Variants in FGFR2 observed in about 807,000 individuals in gnomAD.
The protein encoded by FGFR2 is BEK fibroblast growth factor receptor.
A neutral mutation model predicts 95.9 loss-of-function variants in FGFR2; 19 were observed. The ratio of observed to expected loss-of-function variants is 0.20; its 90% CI spans 0.14 to 0.29. FGFR2 has a LOEUF of 0.29. Ranked by LOEUF, FGFR2 falls within the 10% of genes least tolerant of loss-of-function variation. The pLI is 1.00. For missense variants in FGFR2, 707 were observed against 1,056.9 expected (o/e 0.67, Z 4.59); for synonymous variants, 392 against 393.3 (o/e 1.00, Z 0.04).
intron 2 of FGFR2, among the ~76,000 whole-genome samples, chr10:121,583,092 T>A (rs1225156013): frequency 6.6e-6 from 1 of 152,222 alleles, no homozygotes. Flanking sequence ...TTTCTGCTTT[T>A]GGCCTTTTCA....
chr10:121,535,864 A>G (rs1173878098), intron 6 of FGFR2, among the ~76,000 whole-genome samples: 1 of 152,242 alleles, frequency 6.6e-6, no homozygotes, highest in African/African-American at 2.4e-5. Flanking sequence ...CTTTTACATT[A>G]AAGTGCTTAT....
At chr10:121,509,421 GTT>G (rs199565234) in intron 9 of FGFR2, among the ~76,000 whole-genome samples, 40,936 of 126,834 alleles carry the variant, frequency 0.32, 6,177 homozygotes, top group African/African-American at 0.39. Context: ...GTGAGGAAGT[GTT>G]TTTTTTTTTT....
chr10:121,581,635 G>A (rs978722036), intron 2 of FGFR2, among the ~76,000 whole-genome samples: 43 of 150,934 alleles, frequency 2.8e-4, no homozygotes, highest in Admixed American at 2.8e-3. Context: ...GCCTATAGTC[G>A]CAGCTACTCA....
chr10:121,579,284 A>C (rs957774029), intron 2 of FGFR2, among the ~76,000 whole-genome samples: 5 of 152,112 alleles, frequency 3.3e-5, no homozygotes, highest in African/African-American at 1.2e-4. Flanking sequence ...GGTTGGAGGT[A>C]GTGGGGGGTC....
In FGFR2 at chr10:121,556,102, TTGGA is replaced by T. The variant is rs58257467; in HGVS notation, c.455-4647_455-4644del. Reference sequence around the variant, plus strand: ...CTATGGAGTAGGCACTCAAGCGTTATTGGATGGATGGATGGATGGATGGATGGAC... The same window carrying T: ...CTATGGAGTAGGCACTCAAGCGTTATTGGATGGATGGATGGATGGATGGAC... On this transcript the variant is annotated intron_variant, in intron 4 of 17. Transcript: ENST00000358487. Among the ~76,000 whole-genome samples the T allele has an allele frequency of 6.8e-3, 1,031 of 152,018 alleles. 10 individuals carry two copies. Among genetic ancestry groups the T allele is most frequent in the African/African-American group, 0.023 (939 of 41,454 alleles).
Position 121,496,627 on chromosome 10 carries a change from T to C in FGFR2, c.1768A>G (p.Ile590Val). The C allele has an allele frequency of 1.9e-6, 3 of 1,613,166 alleles. No homozygotes were observed. Among genetic ancestry groups the C allele is most frequent in the Non-Finnish European group, 2.5e-6 (3 of 1,179,930 alleles). Reference protein sequence around the residue: ...RPPGMEYSYDINRVPEEQMTF... With the variant: ...RPPGMEYSYDVNRVPEEQMTF... Reference sequence around the variant, plus strand: ...ATCTGCTCCTCAGGAACACGGTTAATGTCATAGGAGTACTCCATCCCGGGT... The same window carrying C: ...ATCTGCTCCTCAGGAACACGGTTAACGTCATAGGAGTACTCCATCCCGGGT... The change falls in exon 13 of 18, where the codon ATT becomes GTT. Residue 590 changes from isoleucine to valine, a missense_variant. Physicochemically the swap from Ile to Val is conservative, Grantham distance 29. Transcript: ENST00000358487.
chr10:121,568,052 G>A (rs1857967708), intron 2 of FGFR2, among the ~76,000 whole-genome samples: 1 of 152,196 alleles, frequency 6.6e-6, no homozygotes, highest in East Asian at 1.9e-4. Context: ...AAATGCGGCT[G>A]AATTGAGTGA....
chr10:121,564,497 C>T lies in FGFR2; in HGVS notation c.454+5G>A. The T allele has an allele frequency of 1.2e-6, 2 of 1,613,668 alleles. No homozygotes were observed. Among genetic ancestry groups the T allele is most frequent in the Non-Finnish European group, 1.7e-6 (2 of 1,179,726 alleles). On this transcript the variant is annotated splice_donor_5th_base_variant and intron_variant, in intron 4 of 17. Coordinates refer to ENST00000358487, the MANE Select transcript of FGFR2 (RefSeq NM_000141.5). The stretch of plus-strand genomic sequence containing the variant: ...GGGGACCATCGGAGCCGGGCAGTTA[C>T]TTACTCTTGTTGTTACTGTTCTCAC...
At chr10:121,520,206 G>A (rs2134321629) in intron 6 of FGFR2, 37 bp from the exon 7 acceptor site, 1 of 1,587,170 alleles carries the variant, frequency 6.3e-7, no homozygotes, top group Non-Finnish European at 8.6e-7. Flanking sequence ...AGTGGGGATG[G>A]GAGAATGAGA....
intron 17 of FGFR2, among the ~76,000 whole-genome samples, chr10:121,483,211 A>G (rs1649201): frequency 0.043 from 6,528 of 152,334 alleles, 214 homozygotes; most frequent in African/African-American, 0.09. Flanking sequence ...CAAGGCATAT[A>G]GCATTACCAA....
intron 16 of FGFR2, 71 bp from the exon 17 acceptor site, chr10:121,483,874 G>T: frequency 9.2e-7 from 1 of 1,089,526 alleles, no homozygotes; most frequent in Non-Finnish European, 1.4e-6. Context: ...GTTTTAATAG[G>T]CAATATGGGG....
At chr10:121,512,269 A>G (rs532625318) in intron 9 of FGFR2, among the ~76,000 whole-genome samples, 40 of 152,288 alleles carry the variant, frequency 2.6e-4, no homozygotes, top group African/African-American at 9.6e-4. Context: ...CTCCAGTCCA[A>G]TAACCCTCTT....
rs559452126 is a variant in FGFR2, at chr10:121,581,758, A to AT, written c.109+11950dup. ...CACAGTGAACAGAGAGAGACCCTGCATTTAAAAAAAAAAAAAAAAAAAAAA... is the reference window on the plus strand; with the variant it reads ...CACAGTGAACAGAGAGAGACCCTGCATTTTAAAAAAAAAAAAAAAAAAAAAA... On this transcript the variant is annotated intron_variant, in intron 2 of 17. Coordinates refer to ENST00000358487, the MANE Select transcript of FGFR2 (RefSeq NM_000141.5). 2.5e-3 allele frequency among the ~76,000 whole-genome samples: 222 copies of AT among 88,442 alleles called. 14 individuals carry two copies. The highest frequency in any genetic ancestry group is 3.1e-3 in the Non-Finnish European group (142 of 45,504). The allele number at this position is 88,442 out of a possible 152,430, so 58.0% of individuals were successfully genotyped here. A position where few individuals can be genotyped will look rare whatever the true frequency, so the allele number is the denominator to read the frequency against.
In FGFR2 at chr10:121,534,869, C is replaced by T. The variant is rs537194367; in HGVS notation, c.748+3723G>A. Among the ~76,000 whole-genome samples, 3 of 152,122 alleles carry T rather than the reference C, an allele frequency of 2.0e-5. No homozygotes were observed. In the East Asian group the frequency reaches 5.8e-4, roughly 29 times the overall value. ...TCATCTGCTAACCCAACTGATGCCT[C>T]GTAACTAATGTAGTGAGCTGAAGGG... On this transcript the variant is annotated intron_variant, in intron 6 of 17. Transcript: ENST00000358487.
At chr10:121,499,434 T>C (rs565894947) in intron 11 of FGFR2, among the ~76,000 whole-genome samples, 68 of 152,168 alleles carry the variant, frequency 4.5e-4, no homozygotes, top group Non-Finnish European at 4.0e-4. Context: ...TGACTGTGTG[T>C]GCAAAATTTA....
intron 4 of FGFR2, among the ~76,000 whole-genome samples, chr10:121,557,041 T>C (rs1054245725): frequency 7.9e-5 from 12 of 152,206 alleles, no homozygotes; most frequent in African/African-American, 2.9e-4. Flanking sequence ...GTCTGTGGCT[T>C]TGAGAAATCT....
rs148215004 is a variant in FGFR2 at position 121,582,457 on chromosome 10, G to A, written c.109+11252C>T. 2.8e-4 allele frequency among the ~76,000 whole-genome samples: 43 copies of A among 152,226 alleles called. No individual in the cohort carries two copies. In the East Asian group the frequency reaches 4.8e-3, roughly 17 times the overall value. ...CAAGCTCTGAAAGTTGTCATCGCAC[G>A]GGGAGCTGCAAATTTAAGAGGGAAA... On this transcript the variant is annotated intron_variant, in intron 2 of 17. Coordinates refer to ENST00000358487, the MANE Select transcript of FGFR2 (RefSeq NM_000141.5).
chr10:121,573,152 C>T (rs956546344), intron 2 of FGFR2, among the ~76,000 whole-genome samples: 3 of 152,202 alleles, frequency 2.0e-5, no homozygotes, highest in African/African-American at 7.2e-5. Context: ...TGCCTATAAA[C>T]TTTTCCCGTG....
intron 12 of FGFR2, among the ~76,000 whole-genome samples, chr10:121,497,191 A>G (rs999954633): frequency 6.6e-6 from 1 of 151,764 alleles, no homozygotes; most frequent in Non-Finnish European, 1.5e-5. Context: ...AGAAAAGCAC[A>G]CATAAAAATA....
Sources: gnomAD v4.1 joint callset for allele counts (sites outside exome capture counted in the v4.1 genomes callset) on GRCh38, gnomAD v4.1.1 for gene constraint, MANE v1.5 for transcripts, NCBI Gene and HGNC (gene_info 2026-07-23, HGNC 2026-07-21) for gene names.